AHI1: variants seen among roughly 807,000 people sequenced by gnomAD.
AHI1 encodes the protein jouberin.
In AHI1, 123 loss-of-function variants were observed where a neutral mutation model predicts 149.3. The ratio of observed to expected loss-of-function variants is 0.82; its 90% CI spans 0.71 to 0.96. AHI1 has a LOEUF of 0.96. AHI1 is among the 40% of genes least tolerant of loss of function. The pLI, the probability that AHI1 is intolerant of heterozygous loss-of-function variation, is 0.00. For missense variants in AHI1, 1,439 were observed against 1,422.7 expected, an observed-to-expected ratio of 1.01 and a Z score of -0.18; for synonymous variants, 475 against 459.8, an observed-to-expected ratio of 1.03 and a Z score of -0.42.
intron 5 of AHI1, among the ~76,000 whole-genome samples, chr6:135,483,684 A>G (rs1027122129): frequency 6.6e-6 from 1 of 152,220 alleles, no homozygotes; most frequent in Non-Finnish European, 1.5e-5. Flanking sequence ...GTGTAAAATA[A>G]TAAGCAGTTT....
chr6:135,410,504 A>AC (rs1276963602), intron 21 of AHI1, among the ~76,000 whole-genome samples: 1 of 151,954 alleles, frequency 6.6e-6, no homozygotes, highest in Admixed American at 6.6e-5. Context: ...AAGCAGCTGG[A>AC]CCCCAGAGCT....
At chr6:135,489,318 T>C in intron 5 of AHI1, among the ~76,000 whole-genome samples, 1 of 152,158 alleles carries the variant, frequency 6.6e-6, no homozygotes, top group East Asian at 1.9e-4. Context: ...GGACCTTAGG[T>C]AAATGGACAT....
At chr6:135,387,873 A>G in intron 23 of AHI1, 1 of 1,531,858 alleles carries the variant, frequency 6.5e-7, no homozygotes, top group Non-Finnish European at 8.8e-7. Context: ...TGAAGTAGGA[A>G]ATGTGGAGAC....
intron 4 of AHI1, among the ~76,000 whole-genome samples, chr6:135,491,443 C>A (rs1562295996): frequency 6.6e-6 from 1 of 152,150 alleles, no homozygotes; most frequent in African/African-American, 2.4e-5. Flanking sequence ...AATTCCTCAC[C>A]TGGCTGGTGT....
At chr6:135,418,183 A>G (rs1184151890) in intron 20 of AHI1, among the ~76,000 whole-genome samples, 2 of 152,106 alleles carry the variant, frequency 1.3e-5, no homozygotes, top group East Asian at 1.9e-4. Flanking sequence ...TGTACCATGC[A>G]CTAAGCAGAT....
chr6:135,345,088 T>C (rs1790991665), intron 24 of AHI1, among the ~76,000 whole-genome samples: 1 of 152,194 alleles, frequency 6.6e-6, no homozygotes, highest in Non-Finnish European at 1.5e-5. Flanking sequence ...TTTCAGAAGA[T>C]GCTCACATTA....
chr6:135,292,109 T>TACACAC (rs10646107), intron 27 of AHI1, among the ~76,000 whole-genome samples: 10,252 of 148,284 alleles, frequency 0.069, 577 homozygotes, highest in African/African-American at 0.15. Context: ...GGCAGCTAAT[T>TACACAC]ACACACACAC....
rs2035520134 is a variant in AHI1 at position 135,372,108 on chromosome 6, G to A, written c.3110-13921C>T. On this transcript the variant is annotated intron_variant, in intron 23 of 28. Coordinates refer to ENST00000265602, the MANE Select transcript of AHI1 (RefSeq NM_001134831.2). ...CAGTCCCAGTCATTGGGAGATGGCT[G>A]TAACTTGCAACTGATGAGACTTGAG... is the stretch of plus-strand genomic sequence containing the variant. Among the ~76,000 whole-genome samples the A allele has an allele frequency of 3.9e-5, 6 of 152,318 alleles. No homozygotes were observed. In the South Asian group the frequency reaches 1.2e-3, roughly 32 times the overall value.
intron 23 of AHI1, among the ~76,000 whole-genome samples, chr6:135,361,692 C>CGT: frequency 7.4e-6 from 1 of 135,342 alleles, no homozygotes; most frequent in South Asian, 2.4e-4. Flanking sequence ...CACACACACA[C>CGT]ACGTGTGTAT....
chr6:135,298,193 A>G (rs562061659), intron 27 of AHI1, among the ~76,000 whole-genome samples: 89 of 152,314 alleles, frequency 5.8e-4, no homozygotes, highest in South Asian at 4.1e-4. Context: ...TACAAAATGT[A>G]GAAGTTTAAG....
At chr6:135,360,514 G>T (rs1163851920) in intron 23 of AHI1, among the ~76,000 whole-genome samples, 4 of 152,168 alleles carry the variant, frequency 2.6e-5, no homozygotes. Flanking sequence ...CTAGCCTGCA[G>T]ATTTTGGTCT....
chr6:135,448,466 C>A lies in AHI1; in HGVS notation c.1450G>T (p.Ala484Ser). The change falls in exon 12 of 29, where the codon GCC becomes TCC. Residue 484 changes from alanine to serine, a missense_variant. Transcript: ENST00000265602. ...GAGTTGATGTTTGCATTTCCATTGG[C>A]TCCCAGAAGCTTAAAATAAGAATTC... ...IAWAFLKLLG[A>S]NGNANINSKL... 6.7e-7 allele frequency: 1 copy of A among 1,489,032 alleles called. No homozygotes were observed. The highest frequency in any genetic ancestry group is 1.4e-5 in the African/African-American group (1 of 73,108). The allele number at this position is 1,489,032 out of a possible 1,614,324, so 92.2% of individuals were successfully genotyped here.
At chr6:135,314,950 C>T (rs1785722059) in intron 26 of AHI1, among the ~76,000 whole-genome samples, 1 of 152,162 alleles carries the variant, frequency 6.6e-6, no homozygotes, top group South Asian at 2.1e-4. Context: ...TTGAAATCTG[C>T]CCTTGCCTAC....
chr6:135,441,621 A>G (rs1046770511), intron 14 of AHI1, among the ~76,000 whole-genome samples: 1 of 152,222 alleles, frequency 6.6e-6, no homozygotes, highest in African/African-American at 2.4e-5. Flanking sequence ...ATAAAGTAAC[A>G]TATTTATCAC....
intron 26 of AHI1, chr6:135,300,816 C>CAA (rs35584012): frequency 2.3e-3 from 2,154 of 938,418 alleles, no homozygotes; most frequent in African/African-American, 6.4e-3. Flanking sequence ...GGTATGTGAC[C>CAA]AAAAAAAAAA....
chr6:135,305,923 A>G (rs755978763), intron 26 of AHI1, among the ~76,000 whole-genome samples: 1 of 152,086 alleles, frequency 6.6e-6, no homozygotes, highest in Non-Finnish European at 1.5e-5. Context: ...GCCTCAAACA[A>G]ATCCTCCCAC....
intron 20 of AHI1, among the ~76,000 whole-genome samples, chr6:135,419,238 T>G (rs966883699): frequency 3.3e-5 from 5 of 152,126 alleles, no homozygotes. Flanking sequence ...GCAAATTCAT[T>G]AGCTGGATAT....
chr6:135,416,094 T>G (rs528698349), intron 20 of AHI1, among the ~76,000 whole-genome samples: 38 of 152,196 alleles, frequency 2.5e-4, no homozygotes, highest in African/African-American at 9.1e-4. Flanking sequence ...TGCCCAAACT[T>G]ATCAGATAGT....
intron 23 of AHI1, chr6:135,388,155 T>A: frequency 1.9e-6 from 2 of 1,067,932 alleles, no homozygotes; most frequent in South Asian, 1.6e-5. Flanking sequence ...GTAGATTACC[T>A]ATTAATCTAC....
Sources: gnomAD v4.1 joint callset for allele counts (sites outside exome capture counted in the v4.1 genomes callset) on GRCh38, gnomAD v4.1.1 for gene constraint, MANE v1.5 for transcripts, NCBI Gene and HGNC (gene_info 2026-07-23, HGNC 2026-07-21) for gene names.